Variants in ELP4 observed in about 807,000 individuals in gnomAD.
The protein encoded by ELP4 is elongator acetyltransferase complex subunit 4, also known as elongator complex protein 4.
Under a neutral mutation model 48.9 loss-of-function variants are expected in ELP4, and 51 were observed. The observed-to-expected ratio is 1.04, with a 90% CI of 0.83 to 1.32. ELP4 has a LOEUF of 1.32. ELP4 is among the 40% of genes most tolerant of loss of function. The probability of loss-of-function intolerance (pLI) is 0.00; values close to 1 mark genes in which losing one functional copy is unlikely to be tolerated. For missense variants in ELP4, 519 were observed against 514.6 expected, an observed-to-expected ratio of 1.01 and a Z score of -0.08; for synonymous variants, 210 against 189.2, an observed-to-expected ratio of 1.11 and a Z score of -0.90.
At chr11:31,531,678 A>G (rs1169726354) in intron 2 of ELP4, among the ~76,000 whole-genome samples, 6 of 152,210 alleles carry the variant, frequency 3.9e-5, no homozygotes, top group African/African-American at 1.4e-4. Flanking sequence ...GCAATACAAC[A>G]TTTAAAGAGG....
chr11:31,527,535 A>G (rs1956316788), intron 2 of ELP4, among the ~76,000 whole-genome samples: 1 of 152,072 alleles, frequency 6.6e-6, no homozygotes, highest in Admixed American at 6.6e-5. Flanking sequence ...CAGGTGACAC[A>G]TGCCAGAGAC....
intron 4 of ELP4, among the ~76,000 whole-genome samples, chr11:31,602,333 T>A (rs1957799219): frequency 6.6e-6 from 1 of 151,986 alleles, no homozygotes; most frequent in African/African-American, 2.4e-5. Flanking sequence ...TTTACATTTT[T>A]TAAGTTTGTA....
At position 31,632,168 on chromosome 11, in the gene ELP4, A is replaced by G. The variant is rs181473265; in HGVS notation, c.739-49A>G. 1.0e-4 allele frequency: 154 copies of G among 1,476,490 alleles called. No homozygotes were observed. In the Middle Eastern group the frequency reaches 1.4e-3, roughly 14 times the overall value. 91.5% of individuals were successfully genotyped at this position (1,476,490 alleles called of 1,614,324 possible). The stretch of plus-strand genomic sequence containing the variant: ...AACTGACAGATAAAAGTGGTATTCT[A>G]TTGATTAACAAAACTTTATATGTTT... On this transcript the variant is annotated intron_variant, in intron 6 of 9. Coordinates refer to ENST00000640961, the MANE Select transcript of ELP4 (RefSeq NM_019040.5).
intron 9 of ELP4, among the ~76,000 whole-genome samples, chr11:31,700,403 TTATG>T (rs1202959556): frequency 6.6e-6 from 1 of 152,040 alleles, no homozygotes; most frequent in Non-Finnish European, 1.5e-5. Flanking sequence ...ACATTAATAT[TTATG>T]TAATAATAAT....
intron 9 of ELP4, among the ~76,000 whole-genome samples, chr11:31,752,791 G>A (rs1344541455): frequency 3.4e-5 from 5 of 147,202 alleles, no homozygotes; most frequent in South Asian, 2.1e-4. Context: ...CTGGGATCGC[G>A]CCACTGAACT....
intron 7 of ELP4, among the ~76,000 whole-genome samples, chr11:31,643,270 G>A (rs1354812568): frequency 1.3e-5 from 2 of 151,728 alleles, no homozygotes; most frequent in African/African-American, 2.4e-5. Flanking sequence ...TCAAATGAGA[G>A]CTCTTCCTTT....
chr11:31,511,839 A>G (rs1299928138), intron 1 of ELP4: 2 of 152,150 alleles, frequency 1.3e-5, no homozygotes, highest in East Asian at 1.9e-4. Context: ...AAGTTTCCGT[A>G]TTTGCTTGGA....
rs145325897 is a variant in ELP4 at position 31,624,394 on chromosome 11, T to A, written c.654-2716T>A. 3.9e-3 allele frequency among the ~76,000 whole-genome samples: 592 copies of A among 151,812 alleles called. 4 individuals are homozygous for A. Among genetic ancestry groups the A allele is most frequent in the Non-Finnish European group, 6.4e-3 (436 of 67,758 alleles). ...GAATAGGCAATTGTAATACAAGTAT[T>A]TGTGTTTCTAAACACAGAAAAGGTT... On this transcript the variant is annotated intron_variant, in intron 5 of 9. Transcript: ENST00000640961.
chr11:31,616,375 A>G (rs951487300), intron 5 of ELP4, among the ~76,000 whole-genome samples: 4 of 152,100 alleles, frequency 2.6e-5, no homozygotes, highest in Non-Finnish European at 5.9e-5. Context: ...ATGCAAAAAA[A>G]TAAAAATAAA....
At chr11:31,559,936 G>C (rs550597970) in intron 3 of ELP4, among the ~76,000 whole-genome samples, 1 of 146,284 alleles carries the variant, frequency 6.8e-6, no homozygotes, top group African/African-American at 2.5e-5. Flanking sequence ...AATCAGTTTT[G>C]TTGTTTTGTT....
chr11:31,775,390 G>A (rs772802239), intron 9 of ELP4, among the ~76,000 whole-genome samples: 7 of 152,104 alleles, frequency 4.6e-5, no homozygotes, highest in Non-Finnish European at 7.4e-5. Context: ...CCCCACAAAT[G>A]GCCATCTCTT....
At chr11:31,776,972 T>C (rs918828389) in intron 9 of ELP4, among the ~76,000 whole-genome samples, 2 of 152,120 alleles carry the variant, frequency 1.3e-5, no homozygotes, top group African/African-American at 2.4e-5. Context: ...AGAGCAAATA[T>C]TTGGTTCTGG....
intron 9 of ELP4, chr11:31,714,691 C>T: frequency 2.5e-6 from 1 of 398,574 alleles, no homozygotes; most frequent in Non-Finnish European, 4.4e-6. Flanking sequence ...AAGGAAGAAG[C>T]TATTTCCTTG....
intron 9 of ELP4, among the ~76,000 whole-genome samples, chr11:31,716,672 C>G (rs1019503319): frequency 6.6e-6 from 1 of 152,128 alleles, no homozygotes; most frequent in Non-Finnish European, 1.5e-5. Context: ...AGCTGGACAA[C>G]CTTACCAATA....
chr11:31,561,486 G>T (rs772840686), intron 3 of ELP4, among the ~76,000 whole-genome samples: 3 of 151,862 alleles, frequency 2.0e-5, no homozygotes, highest in South Asian at 4.2e-4. Flanking sequence ...CTGTTGCCCA[G>T]GCTGAAGTGC....
intron 9 of ELP4, among the ~76,000 whole-genome samples, chr11:31,678,535 GTGTGTGTA>G (rs1178454647): frequency 0.053 from 3,691 of 69,418 alleles, 64 homozygotes; most frequent in African/African-American, 0.084. Flanking sequence ...GTGTGTGTGT[GTGTGTGTA>G]TATGTGCATT....
chr11:31,679,978 A>C (rs1250098916), intron 9 of ELP4, among the ~76,000 whole-genome samples: 1 of 152,134 alleles, frequency 6.6e-6, no homozygotes, highest in Non-Finnish European at 1.5e-5. Flanking sequence ...TTTGTCTTTT[A>C]CAGTTTAGAT....
At chr11:31,550,424 A>G (rs1592108413) in intron 3 of ELP4, among the ~76,000 whole-genome samples, 1 of 152,202 alleles carries the variant, frequency 6.6e-6, no homozygotes, top group South Asian at 2.1e-4. Flanking sequence ...ACATAAAACC[A>G]TAAACATTAT....
intron 3 of ELP4, among the ~76,000 whole-genome samples, chr11:31,558,069 A>G (rs940930148): frequency 1.3e-5 from 2 of 151,886 alleles, no homozygotes; most frequent in Admixed American, 6.6e-5. Context: ...GGCTATCTAT[A>G]CACTTTTCAG....
Sources: allele counts gnomAD v4.1 joint callset (sites outside exome capture counted in the v4.1 genomes callset), GRCh38; gene constraint gnomAD v4.1.1; transcripts MANE v1.5; gene names NCBI Gene and HGNC (gene_info 2026-07-23, HGNC 2026-07-21).